PLPPR1: variants seen among roughly 807,000 people sequenced by gnomAD.
PLPPR1 encodes phospholipid phosphatase related 1.
PLPPR1 carries 10 observed loss-of-function variants against 33.1 expected under a neutral mutation model. That is an observed-to-expected ratio of 0.30 (90% CI 0.19 to 0.51). The LOEUF (loss-of-function observed/expected upper bound fraction) is 0.51, where lower values mean the gene tolerates loss of function less well. Among genes scored for constraint, PLPPR1 ranks in the 20% least tolerant of loss-of-function variants. The pLI, the probability that PLPPR1 is intolerant of heterozygous loss-of-function variation, is 0.97. For missense variants in PLPPR1, 304 were observed against 408.1 expected (o/e 0.74, Z 2.20); for synonymous variants, 151 against 151.0 (o/e 1.00, Z 0.00).
chr9:101,238,349 G>GTATATATA lies in PLPPR1; in HGVS notation c.64-31530_64-31529insATATATAT, dbSNP rs199647180. On this transcript the variant is annotated intron_variant, in intron 2 of 7. Transcript: ENST00000374874. ...TATATATACCTCTCTATATATAGAGGTGTATATATATATATGGGTATATAT... is the reference window on the plus strand; with the variant it reads ...TATATATACCTCTCTATATATAGAGGTATATATATGTATATATATATATGGGTATATAT... 4.8e-3 allele frequency among the ~76,000 whole-genome samples: 633 copies of GTATATATA among 132,944 alleles called. 11 individuals carry two copies. The South Asian group carries it at 0.052, about 11-fold the overall frequency. 87.2% of individuals were successfully genotyped at this position (132,944 alleles called of 152,430 possible).
chr9:101,285,504 T>G (rs1167171392), intron 3 of PLPPR1, among the ~76,000 whole-genome samples: 1 of 152,206 alleles, frequency 6.6e-6, no homozygotes, highest in African/African-American at 2.4e-5. Flanking sequence ...AGTAATGCAG[T>G]TGAGTAAAGT....
intron 4 of PLPPR1, among the ~76,000 whole-genome samples, chr9:101,290,612 A>G (rs1318044801): frequency 6.6e-6 from 1 of 152,216 alleles, no homozygotes; most frequent in East Asian, 1.9e-4. Context: ...TTCTAATGAA[A>G]CAATCAGAAA....
intron 2 of PLPPR1, among the ~76,000 whole-genome samples, chr9:101,207,766 C>A (rs756497788): frequency 6.6e-5 from 10 of 152,112 alleles, no homozygotes; most frequent in Non-Finnish European, 1.0e-4. Flanking sequence ...AATTCTGTGC[C>A]TCTGAGAGAT....
intron 6 of PLPPR1, among the ~76,000 whole-genome samples, chr9:101,314,595 TTA>T (rs1323240193): frequency 6.6e-6 from 1 of 150,628 alleles, no homozygotes; most frequent in African/African-American, 2.4e-5. Context: ...TGCAATAGCA[TTA>T]TGTCTAAAAA....
At chr9:101,066,834 G>A (rs969489489) in intron 1 of PLPPR1, among the ~76,000 whole-genome samples, 20 of 151,914 alleles carry the variant, frequency 1.3e-4, no homozygotes. Flanking sequence ...AATTATATTA[G>A]AAACCAAGAA....
At chr9:101,073,714 GT>G (rs1159006602) in intron 1 of PLPPR1, among the ~76,000 whole-genome samples, 24 of 152,206 alleles carry the variant, frequency 1.6e-4, no homozygotes, top group African/African-American at 5.1e-4. Flanking sequence ...CTTGACTTTT[GT>G]TTTGCTTAAT....
chr9:101,093,121 G>A (rs1033306148), intron 1 of PLPPR1, among the ~76,000 whole-genome samples: 13 of 152,186 alleles, frequency 8.5e-5, no homozygotes, highest in Admixed American at 7.2e-4. Flanking sequence ...TCTAAGGAAG[G>A]AAGGAGAGAG....
At chr9:101,095,498 T>C (rs1830805855) in intron 1 of PLPPR1, among the ~76,000 whole-genome samples, 1 of 152,206 alleles carries the variant, frequency 6.6e-6, no homozygotes, top group Admixed American at 6.5e-5. Context: ...AGTTTCGATG[T>C]GAGAAAGCAT....
At chr9:101,240,409 A>ACTGTTTTTTTTT (rs1564012614) in intron 2 of PLPPR1, among the ~76,000 whole-genome samples, 16 of 151,768 alleles carry the variant, frequency 1.1e-4, no homozygotes, top group African/African-American at 3.6e-4. Flanking sequence ...AAATTTTAGA[A>ACTGTTTTTTTTT]TTGTTTTTTT....
intron 7 of PLPPR1, among the ~76,000 whole-genome samples, chr9:101,322,092 G>A (rs1829162765): frequency 6.7e-6 from 1 of 148,414 alleles, no homozygotes; most frequent in African/African-American, 2.5e-5. Context: ...CAGCTACTCA[G>A]GAGGCTGAGG....
intron 2 of PLPPR1, among the ~76,000 whole-genome samples, chr9:101,249,388 C>T (rs1049163663): frequency 6.6e-6 from 1 of 152,006 alleles, no homozygotes; most frequent in Non-Finnish European, 1.5e-5. Context: ...GGTGGTACCA[C>T]TTGTGTTATC....
intron 1 of PLPPR1, among the ~76,000 whole-genome samples, chr9:101,054,210 A>G (rs1281687848): frequency 6.6e-6 from 1 of 152,030 alleles, no homozygotes. Flanking sequence ...AAAACAAAAC[A>G]CACAAAAAAA....
intron 1 of PLPPR1, among the ~76,000 whole-genome samples, chr9:101,077,154 A>G (rs983949561): frequency 6.6e-6 from 1 of 152,182 alleles, no homozygotes; most frequent in Non-Finnish European, 1.5e-5. Flanking sequence ...CTAAACCCAA[A>G]TAAATGCTGC....
chr9:101,120,068 T>G (rs970025680), intron 1 of PLPPR1, among the ~76,000 whole-genome samples: 17 of 152,258 alleles, frequency 1.1e-4, no homozygotes, highest in African/African-American at 3.9e-4. Flanking sequence ...AAAACAGGTC[T>G]TGGGATTCTT....
chr9:101,092,116 C>G (rs149222015), intron 1 of PLPPR1, among the ~76,000 whole-genome samples: 2 of 152,168 alleles, frequency 1.3e-5, no homozygotes, highest in African/African-American at 4.8e-5. Context: ...TCTCTCACCT[C>G]TGGGCCCGTA....
intron 1 of PLPPR1, among the ~76,000 whole-genome samples, chr9:101,087,690 A>G (rs1032699560): frequency 6.6e-6 from 1 of 152,228 alleles, no homozygotes; most frequent in African/African-American, 2.4e-5. Flanking sequence ...AAGTGTCAAT[A>G]CATTTTATGT....
intron 3 of PLPPR1, among the ~76,000 whole-genome samples, chr9:101,275,430 C>A (rs1192705545): frequency 6.6e-6 from 1 of 152,206 alleles, no homozygotes; most frequent in African/African-American, 2.4e-5. Flanking sequence ...TGAGACACGG[C>A]CACATGGGAT....
At chr9:101,261,949 C>A (rs1827906155) in intron 2 of PLPPR1, among the ~76,000 whole-genome samples, 1 of 151,872 alleles carries the variant, frequency 6.6e-6, no homozygotes, top group Admixed American at 6.6e-5. Context: ...TGTAACAAAC[C>A]CGTACATCCT....
chr9:101,139,815 C>G (rs575240111), intron 1 of PLPPR1, among the ~76,000 whole-genome samples: 1 of 152,236 alleles, frequency 6.6e-6, no homozygotes, highest in Non-Finnish European at 1.5e-5. Flanking sequence ...ACTCCTTATT[C>G]CCACACATGC....
Sources: gnomAD v4.1 joint callset for allele counts (sites outside exome capture counted in the v4.1 genomes callset) on GRCh38, gnomAD v4.1.1 for gene constraint, MANE v1.5 for transcripts, NCBI Gene and HGNC (gene_info 2026-07-23, HGNC 2026-07-21) for gene names.